SHROOM2: variants seen among roughly 807,000 people sequenced by gnomAD.
SHROOM2 encodes the protein protein Shroom2.
A neutral mutation model predicts 75.9 loss-of-function variants in SHROOM2; 33 were observed. That is an observed-to-expected ratio of 0.43 (90% CI 0.33 to 0.58). The LOEUF (loss-of-function observed/expected upper bound fraction) is 0.58. Among genes scored for constraint, SHROOM2 ranks in the 20% least tolerant of loss-of-function variants. The pLI, the probability that SHROOM2 is intolerant of heterozygous loss-of-function variation, is 0.04. For missense variants in SHROOM2, 1,434 were observed against 1,461.2 expected, an observed-to-expected ratio of 0.98 and a Z score of 0.30; for synonymous variants, 655 against 663.6, an observed-to-expected ratio of 0.99 and a Z score of 0.20.
chrX:9,867,145 G>C (rs1005422210), intron 1 of SHROOM2, among the ~76,000 whole-genome samples: 1 of 111,657 alleles, frequency 9.0e-6, no homozygotes, highest in African/African-American at 3.3e-5. Flanking sequence ...TTGATTAACT[G>C]TTTTTTTCCT....
intron 1 of SHROOM2, among the ~76,000 whole-genome samples, chrX:9,864,068 C>T (rs933826107): frequency 8.1e-5 from 9 of 110,779 alleles, no homozygotes; most frequent in African/African-American, 2.6e-4. Flanking sequence ...TTTAGGAGCA[C>T]GAGTCTGTCT....
At chrX:9,935,265 G>C (rs1271957698) in intron 6 of SHROOM2, among the ~76,000 whole-genome samples, 1 of 110,403 alleles carries the variant, frequency 9.1e-6, no homozygotes, top group African/African-American at 3.3e-5. Flanking sequence ...AGAGGGTTCT[G>C]CGTTTGCTGG....
In SHROOM2 at chrX:9,830,720, G is replaced by A. The variant is rs186763617; in HGVS notation, c.166-42932G>A. On this transcript the variant is annotated intron_variant, in intron 1 of 9. Transcript: ENST00000380913. The stretch of plus-strand genomic sequence containing the variant: ...GGGTTCGAGCGATTCTCCTGCCTCA[G>A]CCTCCCGAGTAGCTGGGATTACAGG... Among the ~76,000 whole-genome samples, 251 of 99,307 alleles carry A rather than the reference G, an allele frequency of 2.5e-3. 1 individual carries two copies. Among genetic ancestry groups the A allele is most frequent in the African/African-American group, 8.8e-3 (237 of 26,855 alleles). The allele number at this position is 99,307 out of a possible 115,157, so 86.2% of individuals were successfully genotyped here.
intron 2 of SHROOM2, among the ~76,000 whole-genome samples, chrX:9,882,497 T>C (rs1313137601): frequency 8.9e-6 from 1 of 111,856 alleles, no homozygotes; most frequent in East Asian, 2.8e-4. Flanking sequence ...GATCGTCTTT[T>C]TTTTTCCTTT....
Position 9,932,745 on chromosome X carries a change from C to T in SHROOM2, c.3462C>T (p.Pro1154=). 1 of 1,210,819 alleles carries T rather than the reference C, an allele frequency of 8.3e-7. No homozygotes were observed. Among genetic ancestry groups the T allele is most frequent in the Non-Finnish European group, 1.1e-6 (1 of 895,443 alleles). The change falls in exon 6 of 10, where the codon CCC becomes CCT. Residue 1154 remains proline, a synonymous_variant. Coordinates refer to ENST00000380913, the MANE Select transcript of SHROOM2 (RefSeq NM_001649.4). The part of the protein sequence containing the change: ...SRPLPEALLP[P]KQQHLRLQTA... ...CTCTGCCAGAAGCACTGCTCCCTCC[C>T]AAGCAGCAGCACCTGCGCCTGCAGA...
At chrX:9,918,019 C>T (rs1457911528) in intron 5 of SHROOM2, among the ~76,000 whole-genome samples, 1 of 111,864 alleles carries the variant, frequency 8.9e-6, no homozygotes, top group Non-Finnish European at 1.9e-5. Context: ...GAATCCTCTC[C>T]TAGGCCCTTC....
chrX:9,885,955 A>G (rs961845166), intron 2 of SHROOM2, among the ~76,000 whole-genome samples: 3 of 110,481 alleles, frequency 2.7e-5, no homozygotes, highest in Non-Finnish European at 3.8e-5. Context: ...CCTGTCAAAA[A>G]AAAAAAAAAA....
At chrX:9,877,078 G>C (rs896613738) in intron 2 of SHROOM2, among the ~76,000 whole-genome samples, 3 of 112,075 alleles carry the variant, frequency 2.7e-5, no homozygotes, top group African/African-American at 9.7e-5. Context: ...GTGGGGACCA[G>C]GGGACCAGGC....
intron 1 of SHROOM2, among the ~76,000 whole-genome samples, chrX:9,830,449 C>T (rs2083909400): frequency 9.0e-6 from 1 of 110,919 alleles, no homozygotes; most frequent in South Asian, 3.8e-4. Flanking sequence ...TTGGAAGTGG[C>T]ATCCTGATGA....
In SHROOM2 at chrX:9,896,491, A is replaced by G; in HGVS notation, c.2583A>G (p.Ala861=). ...ACGCTCACAGCGCAGCGGAGAAGGC[A>G]GGGACTTCAGACCTGCCGCGGAGGC... The part of the protein sequence containing the change: ...SLNAHSAAEK[A]GTSDLPRRLG... Residue 861 remains alanine (A), a synonymous_variant, in exon 4 of 10, where the codon GCA becomes GCG. Transcript: ENST00000380913. 1 of 1,210,224 alleles carries G rather than the reference A, an allele frequency of 8.3e-7. No individual in the cohort carries two copies. Among genetic ancestry groups the G allele is most frequent in the South Asian group, 1.8e-5 (1 of 56,739 alleles).
chrX:9,930,640 A>T (rs2084639942), intron 5 of SHROOM2, among the ~76,000 whole-genome samples: 1 of 112,327 alleles, frequency 8.9e-6, no homozygotes, highest in Non-Finnish European at 1.9e-5. Flanking sequence ...CGCTTCTCAG[A>T]ATGCAAATCA....
intron 1 of SHROOM2, among the ~76,000 whole-genome samples, chrX:9,870,953 G>A (rs1400820929): frequency 2.7e-5 from 3 of 111,883 alleles, no homozygotes; most frequent in Admixed American, 9.5e-5. Context: ...CTTAGGGTCC[G>A]GAGTTGGCAG....
At chrX:9,849,939 C>T (rs4830419) in intron 1 of SHROOM2, among the ~76,000 whole-genome samples, 7 of 111,130 alleles carry the variant, frequency 6.3e-5, no homozygotes, top group Non-Finnish European at 1.3e-4. Context: ...TTTAACAACA[C>T]GTTGAAGCAG....
At chrX:9,862,684 C>T (rs1298080727) in intron 1 of SHROOM2, among the ~76,000 whole-genome samples, 2 of 112,074 alleles carry the variant, frequency 1.8e-5, no homozygotes, top group East Asian at 5.6e-4. Flanking sequence ...GCCCTTTCCA[C>T]CGCCCGCGTG....
intron 1 of SHROOM2, among the ~76,000 whole-genome samples, chrX:9,844,996 G>A (rs909132261): frequency 9.0e-6 from 1 of 110,817 alleles, no homozygotes; most frequent in African/African-American, 3.3e-5. Context: ...TTTCTCTAGC[G>A]TGGGAGTTGG....
intron 1 of SHROOM2, among the ~76,000 whole-genome samples, chrX:9,791,019 T>C (rs2083644978): frequency 9.0e-6 from 1 of 111,178 alleles, no homozygotes. Flanking sequence ...ATCCAGAGCC[T>C]TCTGCGATTA....
At chrX:9,838,991 T>C (rs1274461483) in intron 1 of SHROOM2, among the ~76,000 whole-genome samples, 1 of 110,890 alleles carries the variant, frequency 9.0e-6, no homozygotes, top group Non-Finnish European at 1.9e-5. Flanking sequence ...GGGACTAAGA[T>C]TGGACCCTTT....
At chrX:9,859,694 G>A (rs773594832) in intron 1 of SHROOM2, among the ~76,000 whole-genome samples, 150 of 111,877 alleles carry the variant, frequency 1.3e-3, no homozygotes, top group African/African-American at 4.8e-3. Flanking sequence ...CTTTCTCTAG[G>A]GAGGAAGGAC....
At chrX:9,865,741 T>C (rs1422058837) in intron 1 of SHROOM2, among the ~76,000 whole-genome samples, 1 of 109,093 alleles carries the variant, frequency 9.2e-6, no homozygotes, top group Non-Finnish European at 1.9e-5. Flanking sequence ...TTTGTATTTT[T>C]AGTAGAGACG....
Sources: allele counts gnomAD v4.1 joint callset (sites outside exome capture counted in the v4.1 genomes callset), GRCh38; gene constraint gnomAD v4.1.1; transcripts MANE v1.5; gene names NCBI Gene and HGNC (gene_info 2026-07-23, HGNC 2026-07-21).